ANKRD55: variants seen among roughly 807,000 people sequenced by gnomAD.
ANKRD55 encodes the protein ankyrin repeat domain 55.
Under a neutral mutation model 60.6 loss-of-function variants are expected in ANKRD55, and 41 were observed. That is an observed-to-expected ratio of 0.68 (90% CI 0.53 to 0.88). ANKRD55 has a LOEUF of 0.88. Ranked by LOEUF, ANKRD55 falls within the 40% of genes least tolerant of loss-of-function variation. The probability of loss-of-function intolerance (pLI) is 0.00; values close to 1 mark genes in which losing one functional copy is unlikely to be tolerated. For missense variants in ANKRD55, 732 were observed against 767.6 expected, an observed-to-expected ratio of 0.95 and a Z score of 0.55; for synonymous variants, 264 against 290.3, an observed-to-expected ratio of 0.91 and a Z score of 0.92.
chr5:56,199,840 G>T, intron 2 of ANKRD55, among the ~76,000 whole-genome samples: 1 of 149,308 alleles, frequency 6.7e-6, no homozygotes, highest in Middle Eastern at 3.5e-3. Flanking sequence ...GCAGTGAGCC[G>T]AGATCGCACC....
At chr5:56,200,168 G>T (rs760983067) in intron 2 of ANKRD55, among the ~76,000 whole-genome samples, 1 of 151,988 alleles carries the variant, frequency 6.6e-6, no homozygotes, top group East Asian at 1.9e-4. Context: ...AGGCTTACTA[G>T]CTTTAATAAA....
intron 6 of ANKRD55, chr5:56,146,728 G>C (rs1561269460): frequency 6.6e-6 from 1 of 152,142 alleles, no homozygotes; most frequent in Non-Finnish European, 1.5e-5. Flanking sequence ...TTTTTGATGA[G>C]TGCTCCAAAC....
chr5:56,213,994 A>G (rs1759742680), intron 2 of ANKRD55, among the ~76,000 whole-genome samples: 1 of 152,234 alleles, frequency 6.6e-6, no homozygotes, highest in South Asian at 2.1e-4. Context: ...CCTCACAATC[A>G]TGGTGAAAGG....
At position 56,127,072 on chromosome 5, in the gene ANKRD55, C is replaced by T. The variant is rs1437763246; in HGVS notation, c.647G>A (p.Ser216Asn). ...GATTATGGACGGCCCCTGGTGATGG[C>T]TCAGAATGATGGAGCACAGAATCCT... ...GNRILCSIIL[S>N]HHQGPSIINY... Residue 216 changes from serine to asparagine, a missense_variant, in exon 8 of 12, where the codon AGC becomes AAC. Physicochemically the swap from Ser to Asn is conservative, Grantham distance 46. Coordinates refer to ENST00000341048, the MANE Select transcript of ANKRD55 (RefSeq NM_024669.3). 1.4e-5 allele frequency: 23 copies of T among 1,612,964 alleles called. No homozygotes were observed. In the East Asian group the frequency reaches 4.9e-4, roughly 34 times the overall value.
At chr5:56,170,043 A>G (rs760027339) in intron 5 of ANKRD55, among the ~76,000 whole-genome samples, 2 of 152,026 alleles carry the variant, frequency 1.3e-5, no homozygotes, top group Non-Finnish European at 2.9e-5. Flanking sequence ...TGATCATCCA[A>G]TTTACTTCAG....
intron 6 of ANKRD55, among the ~76,000 whole-genome samples, chr5:56,150,696 G>T (rs997559200): frequency 2.0e-5 from 3 of 152,122 alleles, no homozygotes; most frequent in South Asian, 4.2e-4. Context: ...TCAGGAGTTC[G>T]AGACCAGCCT....
intron 3 of ANKRD55, among the ~76,000 whole-genome samples, chr5:56,179,610 A>G (rs1407566971): frequency 6.6e-6 from 1 of 152,212 alleles, no homozygotes; most frequent in East Asian, 1.9e-4. Flanking sequence ...TTGCGTCCTT[A>G]AATGATCCAC....
chr5:56,118,420 T>C (rs1200744295), intron 8 of ANKRD55, among the ~76,000 whole-genome samples: 1 of 152,020 alleles, frequency 6.6e-6, no homozygotes, highest in Admixed American at 6.6e-5. Flanking sequence ...GGTCAGGAGA[T>C]CGAGACCATC....
chr5:56,166,086 T>TCTCTTTC (rs1554040775), intron 5 of ANKRD55, among the ~76,000 whole-genome samples: 1 of 91,772 alleles, frequency 1.1e-5, no homozygotes, highest in African/African-American at 3.6e-5. Context: ...TTTCTTTTCT[T>TCTCTTTC]TTTCTTTCTT....
intron 2 of ANKRD55, among the ~76,000 whole-genome samples, chr5:56,229,872 T>C (rs1330459820): frequency 1.3e-5 from 2 of 151,792 alleles, no homozygotes; most frequent in African/African-American, 4.9e-5. Context: ...TGCTATTTAG[T>C]GGGGTGTTGT....
chr5:56,198,846 G>A (rs1276470417), intron 2 of ANKRD55, among the ~76,000 whole-genome samples: 4 of 152,020 alleles, frequency 2.6e-5, no homozygotes, highest in South Asian at 2.1e-4. Context: ...TTGGGAGGCC[G>A]AGGCAGGCGG....
At chr5:56,199,361 G>T (rs1243547128) in intron 2 of ANKRD55, among the ~76,000 whole-genome samples, 5 of 152,124 alleles carry the variant, frequency 3.3e-5, no homozygotes, top group Admixed American at 3.3e-4. Context: ...TTACTGCTGA[G>T]CAGTGTGTTG....
At chr5:56,166,102 CTTTCT>C (rs1482844474) in intron 5 of ANKRD55, among the ~76,000 whole-genome samples, 1 of 38,438 alleles carries the variant, frequency 2.6e-5, no homozygotes, top group Non-Finnish European at 6.2e-5. Context: ...TTCTTTCTTT[CTTTCT>C]TTCTTTCTTT....
rs372833058 is a variant in ANKRD55 at position 56,116,647 on chromosome 5, C to T, written c.933G>A (p.Thr311=). The change falls in exon 9 of 12, where the codon ACG becomes ACA. Residue 311 remains threonine (T), a synonymous_variant. Coordinates refer to ENST00000341048, the MANE Select transcript of ANKRD55 (RefSeq NM_024669.3). The part of the protein sequence containing the change: ...PLAYALYCGH[T]ACVKLLSQES... ...CTTGGGAGAGGAGTTTGACACACGC[C>T]GTGTGACCGCAGTACAGGGCATAGG... 15 of 1,605,348 alleles carry T rather than the reference C, an allele frequency of 9.3e-6. No homozygotes were observed. In the African/African-American group the frequency reaches 1.9e-4, roughly 20 times the overall value.
rs1757626568 is a variant in ANKRD55, at chr5:56,137,153, A to G, written c.612+6648T>C. ...TCACTTTACAGAAACAGTGTGTACC[A>G]TTGTGACGTTACAGTGGTGGAGTTG... On this transcript the variant is annotated intron_variant, in intron 7 of 11. Transcript: ENST00000341048. 17 of 1,454,414 alleles carry G rather than the reference A, an allele frequency of 1.2e-5. No homozygotes were observed. In the East Asian group the frequency reaches 2.0e-4, roughly 17 times the overall value. The allele number at this position is 1,454,414 out of a possible 1,614,324, so 90.1% of individuals were successfully genotyped here. A position where few individuals can be genotyped will look rare whatever the true frequency, so the allele number is the denominator to read the frequency against.
intron 8 of ANKRD55, among the ~76,000 whole-genome samples, chr5:56,121,152 C>T (rs115122644): frequency 0.014 from 2,170 of 152,220 alleles, 28 homozygotes; most frequent in Non-Finnish European, 0.018. Flanking sequence ...CATCCTCCAT[C>T]TCTATTCCTA....
chr5:56,198,156 A>C (rs1199604041), intron 2 of ANKRD55, among the ~76,000 whole-genome samples: 1 of 152,156 alleles, frequency 6.6e-6, no homozygotes, highest in African/African-American at 2.4e-5. Flanking sequence ...CTTAATTGAA[A>C]ATTTTAAACC....
intron 2 of ANKRD55, among the ~76,000 whole-genome samples, chr5:56,230,968 C>A (rs1760236670): frequency 9.1e-6 from 1 of 109,954 alleles, no homozygotes; most frequent in African/African-American, 6.6e-5. Context: ...CTAACAGGTG[C>A]TTTTTATATG....
At chr5:56,130,489 G>A (rs1324822014) in intron 7 of ANKRD55, among the ~76,000 whole-genome samples, 1 of 152,110 alleles carries the variant, frequency 6.6e-6, no homozygotes. Context: ...ATCATAGGAC[G>A]ATATAGTACA....
Sources: gnomAD v4.1 joint callset for allele counts (sites outside exome capture counted in the v4.1 genomes callset) on GRCh38, gnomAD v4.1.1 for gene constraint, MANE v1.5 for transcripts, NCBI Gene and HGNC (gene_info 2026-07-23, HGNC 2026-07-21) for gene names.